GPRC6A: variants seen among roughly 807,000 people sequenced by gnomAD.
GPRC6A encodes G protein-coupled receptor class C group 6 member A.
A neutral mutation model predicts 47.0 loss-of-function variants in GPRC6A; 54 were observed. That is an observed-to-expected ratio of 1.15 (90% CI 0.92 to 1.44). The LOEUF is 1.44. GPRC6A is among the 40% of genes most tolerant of loss of function. The probability of loss-of-function intolerance (pLI) is 0.00; values close to 1 mark genes in which losing one functional copy is unlikely to be tolerated. For missense variants in GPRC6A, 1,112 were observed against 1,105.5 expected, an observed-to-expected ratio of 1.01 and a Z score of -0.08; for synonymous variants, 347 against 377.1, an observed-to-expected ratio of 0.92 and a Z score of 0.93.
intron 4 of GPRC6A, among the ~76,000 whole-genome samples, chr6:116,800,214 TTTTC>T (rs199770284): frequency 2.4e-4 from 32 of 134,914 alleles, no homozygotes; most frequent in East Asian, 7.6e-4. Flanking sequence ...CTCTCTTTTC[TTTTC>T]TTTCTTTCTT....
chr6:116,802,235 A>G (rs1004314432), intron 3 of GPRC6A, among the ~76,000 whole-genome samples: 3 of 152,188 alleles, frequency 2.0e-5, no homozygotes, highest in Non-Finnish European at 4.4e-5. Context: ...AGCAAATACA[A>G]CAGTATTTTC....
chr6:116,807,353 C>T (rs1445086957), intron 2 of GPRC6A, 147 bp from the exon 3 acceptor site: 1 of 613,824 alleles, frequency 1.6e-6, no homozygotes, highest in Admixed American at 2.9e-5. Flanking sequence ...TACTTAGCCC[C>T]TGATGATGGT....
chr6:116,825,115 C>T (rs1773638136), intron 1 of GPRC6A, among the ~76,000 whole-genome samples: 1 of 151,922 alleles, frequency 6.6e-6, no homozygotes, highest in African/African-American at 2.4e-5. Context: ...ATATGACAAA[C>T]CCATAGTTAA....
chr6:116,828,939 A>G lies in GPRC6A; in HGVS notation c.75T>C (p.Asp25=), dbSNP rs1327583814. The G allele has an allele frequency of 5.6e-6, 9 of 1,613,468 alleles. No homozygotes were observed. Among genetic ancestry groups the G allele is most frequent in the Non-Finnish European group, 7.6e-6 (9 of 1,179,616 alleles). The change falls in exon 1 of 6, where the codon GAT becomes GAC. Residue 25 remains aspartate (D), a synonymous_variant. Coordinates refer to ENST00000310357, the MANE Select transcript of GPRC6A (RefSeq NM_148963.4). ...CCGGAGAAGTGGCAGCCACAAAGTC[A>G]TCAGGGGTCTGGCAAGGCTGTGAAG... ...LATSQPCQTP[D]DFVAATSPGH... is the part of the protein sequence containing the mutation.
chr6:116,824,519 A>G (rs906170641), intron 1 of GPRC6A, among the ~76,000 whole-genome samples: 1 of 152,176 alleles, frequency 6.6e-6, no homozygotes, highest in East Asian at 1.9e-4. Context: ...TCCTGGAAAC[A>G]TACAGTCTAC....
At chr6:116,823,992 C>G (rs924762329) in intron 1 of GPRC6A, among the ~76,000 whole-genome samples, 4 of 152,152 alleles carry the variant, frequency 2.6e-5, no homozygotes, top group African/African-American at 9.6e-5. Context: ...CACCTCCTAC[C>G]AGGCTCCATC....
Position 116,828,865 on chromosome 6 carries a change from G to C in GPRC6A, c.149C>G (p.Ser50Cys). ...TGGTCGTCTGGGAGAGTCTTCTGAG[G>C]ACAACATTTTTTCATGAATAGCAAA... ...GLFAIHEKML[S>C]SEDSPRRPQI... Residue 50 changes from serine (S) to cysteine (C), a missense_variant, in exon 1 of 6, where the codon TCC (serine) becomes TGC (cysteine). Coordinates refer to ENST00000310357, the MANE Select transcript of GPRC6A (RefSeq NM_148963.4). 1 of 1,613,156 alleles carries C rather than the reference G, an allele frequency of 6.2e-7. No homozygotes were observed. Among genetic ancestry groups the C allele is most frequent in the Non-Finnish European group, 8.5e-7 (1 of 1,179,448 alleles).
chr6:116,818,406 C>G (rs1317057415), intron 1 of GPRC6A, among the ~76,000 whole-genome samples: 1 of 145,174 alleles, frequency 6.9e-6, no homozygotes, highest in South Asian at 2.3e-4. Context: ...TAGTGGCGGG[C>G]GCCTGTAGTC....
At chr6:116,818,120 G>A (rs1260334162) in intron 1 of GPRC6A, among the ~76,000 whole-genome samples, 1 of 152,184 alleles carries the variant, frequency 6.6e-6, no homozygotes, top group Non-Finnish European at 1.5e-5. Context: ...AATGTTAAGG[G>A]CAGCCAGAGA....
rs1582462646 is a variant in GPRC6A, at chr6:116,806,854, A to G, written c.851T>C (p.Phe284Ser). Residue 284 changes from phenylalanine to serine, a missense_variant, in exon 3 of 6, where the codon TTT (phenylalanine) becomes TCT (serine). By Grantham distance (155) the Phe-to-Ser change is radical (BLOSUM62 -2). Transcript: ENST00000310357. Reference sequence around the variant, plus strand: ...TTCAATGGCTTTATTGAAGAGATCAAAAACATGGAATTGCCTCAGAAATAC... The same window carrying G: ...TTCAATGGCTTTATTGAAGAGATCAGAAACATGGAATTGCCTCAGAAATAC... ...IVVFLRQFHV[F>S]DLFNKAIEMN... The G allele has an allele frequency of 1.9e-6, 3 of 1,613,520 alleles. No individual in the cohort carries two copies. The highest frequency in any genetic ancestry group is 2.5e-6 in the Non-Finnish European group (3 of 1,179,642).
intron 1 of GPRC6A, among the ~76,000 whole-genome samples, chr6:116,812,147 G>A (rs1485347981): frequency 6.6e-6 from 1 of 152,016 alleles, no homozygotes; most frequent in Non-Finnish European, 1.5e-5. Context: ...CACCTCTAAA[G>A]GAAATCCCAT....
intron 1 of GPRC6A, among the ~76,000 whole-genome samples, chr6:116,820,682 T>C (rs1049568990): frequency 3.3e-5 from 5 of 151,774 alleles, no homozygotes; most frequent in Non-Finnish European, 7.4e-5. Context: ...AAACTCTCAA[T>C]AAATTAGGTA....
At chr6:116,826,779 G>A (rs992401459) in intron 1 of GPRC6A, among the ~76,000 whole-genome samples, 1 of 151,652 alleles carries the variant, frequency 6.6e-6, no homozygotes, top group Admixed American at 6.6e-5. Flanking sequence ...TTTGCAATAG[G>A]AAAGATATAG....
chr6:116,806,594 C>A lies in GPRC6A; in HGVS notation c.1111G>T (p.Asp371Tyr). Reference sequence around the variant, plus strand: ...TGATTGAATATGCATTGACTCAAATCAGTGTCCTTGACATATGCGCAGGCA... The same window carrying A: ...TGATTGAATATGCATTGACTCAAATAAGTGTCCTTGACATATGCGCAGGCA... Reference protein sequence around the residue: ...LSACAYVKDTDLSQCIFNHSQ... With the variant: ...LSACAYVKDTYLSQCIFNHSQ... Residue 371 changes from aspartate (D) to tyrosine (Y), a missense_variant, in exon 3 of 6, where the codon GAT becomes TAT. Asp to Tyr is a radical substitution (Grantham distance 160). Transcript: ENST00000310357. The A allele has an allele frequency of 6.2e-7, 1 of 1,613,618 alleles. No individual in the cohort carries two copies. Among genetic ancestry groups the A allele is most frequent in the Non-Finnish European group, 8.5e-7 (1 of 1,179,742 alleles).
At chr6:116,793,964 G>T (rs1053866455) in intron 5 of GPRC6A, among the ~76,000 whole-genome samples, 1 of 152,194 alleles carries the variant, frequency 6.6e-6, no homozygotes, top group African/African-American at 2.4e-5. Context: ...TTTTCTCCAA[G>T]TAGTGGGTAA....
At chr6:116,822,135 GA>G (rs1773509713) in intron 1 of GPRC6A, among the ~76,000 whole-genome samples, 1 of 142,420 alleles carries the variant, frequency 7.0e-6, no homozygotes, top group Non-Finnish European at 1.5e-5. Context: ...GGCCATCAGA[GA>G]AATGCAAATC....
intron 1 of GPRC6A, among the ~76,000 whole-genome samples, chr6:116,819,469 C>T (rs1335102282): frequency 1.3e-5 from 2 of 151,970 alleles, no homozygotes; most frequent in African/African-American, 4.8e-5. Flanking sequence ...TAAAGCTCTC[C>T]TCAGCAAATG....
rs761312267 is a variant in GPRC6A, at chr6:116,792,198, C to T, written c.2725G>A (p.Glu909Lys). ...GTTTTAGATACACTTGTGGCATTTT[C>T]CCTGCATATGTGTGCAAATGCTTGT... Reference protein sequence around the residue: ...QAQAFAHICRENATSVSKTLP... With the variant: ...QAQAFAHICRKNATSVSKTLP... Residue 909 changes from glutamate (E) to lysine (K), a missense_variant, in exon 6 of 6, where the codon GAA (glutamate) becomes AAA (lysine). Glu to Lys is a moderately conservative substitution (Grantham distance 56). Coordinates refer to ENST00000310357, the MANE Select transcript of GPRC6A (RefSeq NM_148963.4). The T allele has an allele frequency of 3.7e-6, 6 of 1,613,832 alleles. No homozygotes were observed. Among genetic ancestry groups the T allele is most frequent in the African/African-American group, 2.7e-5 (2 of 74,894 alleles).
At chr6:116,820,020 A>G (rs1773401864) in intron 1 of GPRC6A, among the ~76,000 whole-genome samples, 1 of 150,880 alleles carries the variant, frequency 6.6e-6, no homozygotes, top group East Asian at 1.9e-4. Context: ...AAAATGATAA[A>G]AGGGATATCA....
Sources: allele counts gnomAD v4.1 joint callset (sites outside exome capture counted in the v4.1 genomes callset), GRCh38; gene constraint gnomAD v4.1.1; transcripts MANE v1.5; gene names NCBI Gene and HGNC (gene_info 2026-07-23, HGNC 2026-07-21).